NOVA1: variants seen among roughly 807,000 people sequenced by gnomAD.
NOVA1 encodes NOVA alternative splicing regulator 1.
Under a neutral mutation model 38.0 loss-of-function variants are expected in NOVA1, and 7 were observed. That is an observed-to-expected ratio of 0.18 (90% confidence interval 0.10 to 0.35). The LOEUF is 0.35. Ranked by LOEUF, NOVA1 falls within the 10% of genes least tolerant of loss-of-function variation. The pLI, the probability that NOVA1 is intolerant of heterozygous loss-of-function variation, is 1.00. For missense variants in NOVA1, 460 were observed against 616.0 expected, an observed-to-expected ratio of 0.75 and a Z score of 2.68; for synonymous variants, 270 against 232.5, an observed-to-expected ratio of 1.16 and a Z score of -1.47.
At chr14:26,522,971 AGT>A (rs1335175406) in intron 2 of NOVA1, among the ~76,000 whole-genome samples, 3 of 152,172 alleles carry the variant, frequency 2.0e-5, no homozygotes, top group Non-Finnish European at 4.4e-5. Flanking sequence ...GTCCTAAATT[AGT>A]GTTTTCTTAA....
At chr14:26,457,565 TCTG>T (rs1456750996) in intron 4 of NOVA1, among the ~76,000 whole-genome samples, 1 of 152,120 alleles carries the variant, frequency 6.6e-6, no homozygotes, top group Non-Finnish European at 1.5e-5. Flanking sequence ...AACCTACTGC[TCTG>T]CTAGTTGTAC....
intron 4 of NOVA1, among the ~76,000 whole-genome samples, chr14:26,460,633 G>A (rs1048094174): frequency 2.6e-5 from 4 of 151,716 alleles, no homozygotes; most frequent in Non-Finnish European, 5.9e-5. Context: ...TATTGTCTCC[G>A]GAAAAATTCA....
chr14:26,540,242 T>C (rs912785715), intron 2 of NOVA1, among the ~76,000 whole-genome samples: 2 of 152,206 alleles, frequency 1.3e-5, no homozygotes, highest in Non-Finnish European at 2.9e-5. Context: ...CTCTGCCTCC[T>C]GTCAGATCAA....
intron 4 of NOVA1, among the ~76,000 whole-genome samples, chr14:26,457,888 T>C (rs1043154022): frequency 6.6e-6 from 1 of 152,068 alleles, no homozygotes; most frequent in Non-Finnish European, 1.5e-5. Context: ...CATCCCTGTA[T>C]AGGAGTAGGC....
intron 2 of NOVA1, among the ~76,000 whole-genome samples, chr14:26,534,187 C>T (rs1363640093): frequency 6.6e-6 from 1 of 152,102 alleles, no homozygotes; most frequent in African/African-American, 2.4e-5. Context: ...ATATAAGCAA[C>T]TTAAATCCAT....
At chr14:26,449,582 T>C (rs980624665) in intron 4 of NOVA1, among the ~76,000 whole-genome samples, 6 of 152,152 alleles carry the variant, frequency 3.9e-5, no homozygotes, top group African/African-American at 9.6e-5. Flanking sequence ...ACATATGAAA[T>C]ATAACTTCAT....
In NOVA1 at chr14:26,525,593, C is replaced by A. The variant is rs538037484; in HGVS notation, c.281-45450G>T. Among the ~76,000 whole-genome samples, 22 of 152,200 alleles carry A rather than the reference C, an allele frequency of 1.4e-4. No homozygotes were observed. In the South Asian group the frequency reaches 3.5e-3, roughly 24 times the overall value. Reference sequence around the variant, plus strand: ...TCATATTCACCCATTTATAATAGGTCCACATTCTCACCTTCCTCAAAACAT... The same window carrying A: ...TCATATTCACCCATTTATAATAGGTACACATTCTCACCTTCCTCAAAACAT... On this transcript the variant is annotated intron_variant, in intron 2 of 4. Transcript: ENST00000539517.
rs546450430 is a variant in NOVA1 at position 26,585,800 on chromosome 14, G to A, written c.280+9610C>T. ...CACAGGATAGCATGCTAAACAGAACGCAAAATTCCCGTCATACTCCACTGT... is the reference window on the plus strand; with the variant it reads ...CACAGGATAGCATGCTAAACAGAACACAAAATTCCCGTCATACTCCACTGT... On this transcript the variant is annotated intron_variant, in intron 2 of 4. Transcript: ENST00000539517. Among the ~76,000 whole-genome samples the A allele has an allele frequency of 9.7e-3, 140 of 14,484 alleles. No individual in the cohort carries two copies. The East Asian group carries it at 0.21, about 22-fold the overall frequency. 9.5% of individuals were successfully genotyped at this position (14,484 alleles called of 152,430 possible).
At position 26,573,746 on chromosome 14, in the gene NOVA1, T is replaced by C. The variant is rs149299873; in HGVS notation, c.280+21664A>G. Among the ~76,000 whole-genome samples the C allele has an allele frequency of 3.4e-3, 516 of 152,230 alleles. 3 individuals are homozygous for C. The highest frequency in any genetic ancestry group is 4.7e-3 in the Non-Finnish European group (318 of 68,016). On this transcript the variant is annotated intron_variant, in intron 2 of 4. Transcript: ENST00000539517. Reference sequence around the variant, plus strand: ...GTATAAATCTGTTGGGGTGAGTTTCTGGGTTGAAAAAGATGAAAAAAGTTT... The same window carrying C: ...GTATAAATCTGTTGGGGTGAGTTTCCGGGTTGAAAAAGATGAAAAAAGTTT...
chr14:26,520,976 T>G (rs115955032), intron 2 of NOVA1, among the ~76,000 whole-genome samples: 3,232 of 152,244 alleles, frequency 0.021, 108 homozygotes, highest in African/African-American at 0.074. Flanking sequence ...TTTGACAATG[T>G]TGATGTTAGA....
intron 2 of NOVA1, among the ~76,000 whole-genome samples, chr14:26,532,011 T>C (rs1889751749): frequency 6.6e-6 from 1 of 151,980 alleles, no homozygotes; most frequent in African/African-American, 2.4e-5. Flanking sequence ...ATTACGCAAA[T>C]TACAATGGCT....
At position 26,509,266 on chromosome 14, in the gene NOVA1, C is replaced by T. The variant is rs138013032; in HGVS notation, c.281-29123G>A. Among the ~76,000 whole-genome samples, 948 of 151,778 alleles carry T rather than the reference C, an allele frequency of 6.2e-3. 11 individuals carry two copies. The highest frequency in any genetic ancestry group is 0.022 in the African/African-American group (891 of 41,368). On this transcript the variant is annotated intron_variant, in intron 2 of 4. Coordinates refer to ENST00000539517, the MANE Select transcript of NOVA1 (RefSeq NM_002515.3). The stretch of plus-strand genomic sequence containing the variant: ...TAGACAATGAAAGAAATGTTTTAAA[C>T]CAGAGTATGGAATAATCACAGTTAT...
chr14:26,537,244 T>C (rs1234985122), intron 2 of NOVA1, among the ~76,000 whole-genome samples: 4 of 151,864 alleles, frequency 2.6e-5, no homozygotes, highest in South Asian at 2.1e-4. Flanking sequence ...TATTTAAACA[T>C]GCACATGGTA....
intron 2 of NOVA1, among the ~76,000 whole-genome samples, chr14:26,583,168 T>C (rs1264778224): frequency 6.6e-6 from 1 of 151,648 alleles, no homozygotes; most frequent in Non-Finnish European, 1.5e-5. Context: ...AAATACAAAA[T>C]AGAATATCAT....
intron 4 of NOVA1, among the ~76,000 whole-genome samples, chr14:26,465,064 A>G (rs1056995335): frequency 6.6e-6 from 1 of 152,236 alleles, no homozygotes; most frequent in Non-Finnish European, 1.5e-5. Context: ...AGTTCATTAA[A>G]AAATGGATGT....
chr14:26,477,378 A>G (rs1002120832), intron 3 of NOVA1, among the ~76,000 whole-genome samples: 4 of 152,162 alleles, frequency 2.6e-5, no homozygotes, highest in Non-Finnish European at 5.9e-5. Flanking sequence ...AAATACATAT[A>G]TGAATTAAGA....
At chr14:26,481,988 T>TTAAAAAAAAAAAAAAAA (rs922159329) in intron 2 of NOVA1, among the ~76,000 whole-genome samples, 2 of 105,982 alleles carry the variant, frequency 1.9e-5, no homozygotes, top group Non-Finnish European at 3.5e-5. Context: ...TAGATAGAGA[T>TTAAAAAAAAAAAAAAAA]AAAAAAAAAA....
rs1255035071 is a variant in NOVA1 at position 26,597,724 on chromosome 14, G to A, written c.-288C>T. 2 of 1,082,498 alleles carry A rather than the reference G, an allele frequency of 1.8e-6. No individual in the cohort carries two copies. Among genetic ancestry groups the A allele is most frequent in the African/African-American group, 1.7e-5 (1 of 60,330 alleles). 67.1% of individuals were successfully genotyped at this position (1,082,498 alleles called of 1,614,324 possible). A position where few individuals can be genotyped will look rare whatever the true frequency, so the allele number is the denominator to read the frequency against. ...GGAGGGTGAAAGAAGAAGAAGAAAG[G>A]AGACAGGGGGAGAGAGTGGAGAAGG... is the stretch of plus-strand genomic sequence containing the variant. On this transcript the variant is annotated 5_prime_UTR_variant, in exon 1 of 5. Transcript: ENST00000539517.
chr14:26,475,857 C>A (rs1884944530), intron 3 of NOVA1, among the ~76,000 whole-genome samples: 1 of 152,084 alleles, frequency 6.6e-6, no homozygotes, highest in Middle Eastern at 3.4e-3. Context: ...TTTGCTGGGC[C>A]AGAGAATATT....
Sources: allele counts gnomAD v4.1 joint callset (sites outside exome capture counted in the v4.1 genomes callset), GRCh38; gene constraint gnomAD v4.1.1; transcripts MANE v1.5; gene names NCBI Gene and HGNC (gene_info 2026-07-23, HGNC 2026-07-21).